The following BTBD9 variants were observed in gnomAD, a reference collection of about 807,000 sequenced individuals.
BTBD9 encodes the protein BTB/POZ domain-containing protein 9.
In BTBD9, 49 loss-of-function variants were observed where a neutral mutation model predicts 64.3. That is an observed-to-expected ratio of 0.76 (90% CI 0.61 to 0.97). The LOEUF (loss-of-function observed/expected upper bound fraction) is 0.97, where lower values mean the gene tolerates loss of function less well. Ranked by LOEUF, BTBD9 falls within the 50% of genes least tolerant of loss-of-function variation. BTBD9 has a pLI of 0.00. For missense variants in BTBD9, 598 were observed against 762.1 expected, an observed-to-expected ratio of 0.78 and a Z score of 2.53; for synonymous variants, 260 against 274.7, an observed-to-expected ratio of 0.95 and a Z score of 0.53.
chr6:38,205,816 G>A (rs144134296), intron 9 of BTBD9, among the ~76,000 whole-genome samples: 15,311 of 139,160 alleles, frequency 0.11, 907 homozygotes, highest in Middle Eastern at 0.15. Flanking sequence ...CCTAAGAGGC[G>A]GAGGTTGCAG....
intron 6 of BTBD9, among the ~76,000 whole-genome samples, chr6:38,543,993 A>G (rs888571061): frequency 1.1e-4 from 17 of 152,128 alleles, no homozygotes; most frequent in African/African-American, 4.1e-4. Context: ...GGAATTTATA[A>G]TCTAATAGGG....
chr6:38,616,292 T>C (rs1777787260), intron 1 of BTBD9, among the ~76,000 whole-genome samples: 2 of 152,184 alleles, frequency 1.3e-5, no homozygotes, highest in Non-Finnish European at 2.9e-5. Context: ...GATTTCAGCA[T>C]AGTAAGACCC....
At chr6:38,325,523 A>C (rs1195222545) in intron 7 of BTBD9, among the ~76,000 whole-genome samples, 1 of 152,156 alleles carries the variant, frequency 6.6e-6, no homozygotes, top group African/African-American at 2.4e-5. Context: ...GTCTCCACTA[A>C]AAATACAAAG....
rs981913633 is a variant in BTBD9, at chr6:38,171,084, T to C, written c.*3901A>G. ...CTGTGAGGGGAGCGCTCCATCTCTT[T>C]ATCACCAAGTGGCCTCAGTACACAG... On this transcript the variant is annotated 3_prime_UTR_variant, in exon 11 of 11. Transcript: ENST00000481247. 2 of 152,250 alleles carry C rather than the reference T, an allele frequency of 1.3e-5. No individual in the cohort carries two copies. Among genetic ancestry groups the C allele is most frequent in the African/African-American group, 4.8e-5 (2 of 41,472 alleles). 9.4% of individuals were successfully genotyped at this position (152,250 alleles called of 1,614,324 possible). A position where few individuals can be genotyped will look rare whatever the true frequency, so the allele number is the denominator to read the frequency against.
chr6:38,288,138 T>C, intron 8 of BTBD9, 134 bp downstream of exon 8: 1 of 958,278 alleles, frequency 1.0e-6, no homozygotes, highest in Non-Finnish European at 1.5e-6. Flanking sequence ...CGGCTCCCAC[T>C]CCTTTCTTGA....
intron 7 of BTBD9, among the ~76,000 whole-genome samples, chr6:38,321,327 A>G (rs1357279853): frequency 1.3e-5 from 2 of 152,190 alleles, no homozygotes; most frequent in Non-Finnish European, 2.9e-5. Flanking sequence ...GAGAGAGGAG[A>G]GAAAGAAGGA....
At position 38,259,646 on chromosome 6, in the gene BTBD9, G is replaced by C. The variant is rs550943405; in HGVS notation, c.1455-3130C>G. ...GTTGGCCAGGCGGGGTCAAACTCCTGGCCTCAAGCTACCCTCTCGCCTGGC... is the reference window on the plus strand; with the variant it reads ...GTTGGCCAGGCGGGGTCAAACTCCTCGCCTCAAGCTACCCTCTCGCCTGGC... On this transcript the variant is annotated intron_variant, in intron 8 of 10. Coordinates refer to ENST00000481247, the MANE Select transcript of BTBD9 (RefSeq NM_001099272.2). 2.6e-5 allele frequency among the ~76,000 whole-genome samples: 4 copies of C among 152,280 alleles called. No individual in the cohort carries two copies. In the East Asian group the frequency reaches 7.7e-4, roughly 29 times the overall value.
chr6:38,503,776 C>T (rs922014169), intron 6 of BTBD9, among the ~76,000 whole-genome samples: 2 of 152,136 alleles, frequency 1.3e-5, no homozygotes, highest in South Asian at 4.1e-4. Flanking sequence ...ATATATTGGC[C>T]TCCCAGGTCC....
At chr6:38,359,204 G>A (rs923426394) in intron 6 of BTBD9, among the ~76,000 whole-genome samples, 1 of 152,176 alleles carries the variant, frequency 6.6e-6, no homozygotes, top group African/African-American at 2.4e-5. Flanking sequence ...TCAGTCTCAG[G>A]CAAACCAGGA....
intron 6 of BTBD9, among the ~76,000 whole-genome samples, chr6:38,394,327 A>G (rs1766570487): frequency 6.6e-6 from 1 of 152,144 alleles, no homozygotes; most frequent in Non-Finnish European, 1.5e-5. Context: ...CTGTCCTGGT[A>G]AAAAGAATGC....
Position 38,351,378 on chromosome 6 carries a change from G to C in BTBD9, c.1155-6285C>G, listed in dbSNP as rs150173917. ...TTCAACCTGAAGAGCAAACAAAACAGAAAGTCTTGTTTTTGAGAGAAAACT... is the reference window on the plus strand; with the variant it reads ...TTCAACCTGAAGAGCAAACAAAACACAAAGTCTTGTTTTTGAGAGAAAACT... On this transcript the variant is annotated intron_variant, in intron 6 of 10. Coordinates refer to ENST00000481247, the MANE Select transcript of BTBD9 (RefSeq NM_001099272.2). Among the ~76,000 whole-genome samples, 839 of 152,112 alleles carry C rather than the reference G, an allele frequency of 5.5e-3. 6 individuals are homozygous for C. Among genetic ancestry groups the C allele is most frequent in the African/African-American group, 0.019 (771 of 41,532 alleles).
At position 38,171,346 on chromosome 6, in the gene BTBD9, C is replaced by T. The variant is rs114253494; in HGVS notation, c.*3639G>A. 4,478 of 152,208 alleles carry T rather than the reference C, an allele frequency of 0.029. 103 individuals carry two copies. The highest frequency in any genetic ancestry group is 0.043 in the Non-Finnish European group (2,941 of 68,006). The allele number at this position is 152,208 out of a possible 1,614,324, so 9.4% of individuals were successfully genotyped here. A position where few individuals can be genotyped will look rare whatever the true frequency, so the allele number is the denominator to read the frequency against. On this transcript the variant is annotated 3_prime_UTR_variant, in exon 11 of 11. Coordinates refer to ENST00000481247, the MANE Select transcript of BTBD9 (RefSeq NM_001099272.2). ...AGGAATCAGTTTAACAAACATCCTA[C>T]TCTTGCTGAAAATAATTTCTTTTCC... is the stretch of plus-strand genomic sequence containing the variant.
intron 6 of BTBD9, among the ~76,000 whole-genome samples, chr6:38,462,380 T>C (rs781392628): frequency 6.6e-6 from 1 of 152,242 alleles, no homozygotes; most frequent in Admixed American, 6.5e-5. Flanking sequence ...TTTTTACATA[T>C]GAATATCCAT....
intron 7 of BTBD9, among the ~76,000 whole-genome samples, chr6:38,303,651 A>G (rs1762493380): frequency 6.6e-6 from 1 of 151,842 alleles, no homozygotes; most frequent in African/African-American, 2.4e-5. Flanking sequence ...ATTCAATTAG[A>G]GCATCAACAT....
intron 7 of BTBD9, among the ~76,000 whole-genome samples, chr6:38,299,146 G>A (rs1762282992): frequency 6.6e-6 from 1 of 152,080 alleles, no homozygotes; most frequent in Admixed American, 6.5e-5. Context: ...TGAGAATGAT[G>A]GTTTCCAGCT....
At chr6:38,342,940 C>T (rs78905800) in intron 7 of BTBD9, among the ~76,000 whole-genome samples, 145 of 152,242 alleles carry the variant, frequency 9.5e-4, no homozygotes, top group African/African-American at 3.4e-3. Context: ...ACACCACTGC[C>T]GAGGATGAGC....
At chr6:38,491,155 G>A (rs1169040954) in intron 6 of BTBD9, among the ~76,000 whole-genome samples, 1 of 152,182 alleles carries the variant, frequency 6.6e-6, no homozygotes, top group Non-Finnish European at 1.5e-5. Context: ...CGAAACTCAA[G>A]CATAGGAGAA....
intron 4 of BTBD9, among the ~76,000 whole-genome samples, chr6:38,591,266 G>C (rs1168565713): frequency 6.6e-6 from 1 of 152,014 alleles, no homozygotes; most frequent in Non-Finnish European, 1.5e-5. Flanking sequence ...TCTATTTATG[G>C]TCTCTTCAAA....
intron 6 of BTBD9, among the ~76,000 whole-genome samples, chr6:38,370,411 G>A (rs1468590725): frequency 6.6e-6 from 1 of 152,180 alleles, no homozygotes; most frequent in Non-Finnish European, 1.5e-5. Flanking sequence ...TGAATTAAAT[G>A]AGCTATTAAT....
Sources: gnomAD v4.1 joint callset for allele counts (sites outside exome capture counted in the v4.1 genomes callset) on GRCh38, gnomAD v4.1.1 for gene constraint, MANE v1.5 for transcripts, NCBI Gene and HGNC (gene_info 2026-07-23, HGNC 2026-07-21) for gene names.